ECT2: variants seen among roughly 807,000 people sequenced by gnomAD.
ECT2 encodes the protein epithelial cell transforming 2.
Under a neutral mutation model 116.9 loss-of-function variants are expected in ECT2, and 61 were observed. The ratio of observed to expected loss-of-function variants is 0.52; its 90% CI spans 0.42 to 0.65. ECT2 has a LOEUF of 0.65. Ranked by LOEUF, ECT2 falls within the 30% of genes least tolerant of loss-of-function variation. ECT2 has a pLI of 0.00. For synonymous variants in ECT2, 358 were observed against 346.4 expected (o/e 1.03, Z -0.37); for missense variants, 937 against 1,078.7 (o/e 0.87, Z 1.84).
chr3:172,783,274 A>G (rs558847107), intron 15 of ECT2, among the ~76,000 whole-genome samples: 11 of 152,138 alleles, frequency 7.2e-5, no homozygotes, highest in Non-Finnish European at 1.5e-4. Flanking sequence ...TCCTTACAAA[A>G]TAATCTCTTA....
chr3:172,792,124 A>G (rs1327082171), intron 18 of ECT2, among the ~76,000 whole-genome samples: 1 of 152,234 alleles, frequency 6.6e-6, no homozygotes, highest in Non-Finnish European at 1.5e-5. Context: ...GGGCATTGTT[A>G]GTGGTGTCCC....
At chr3:172,754,782 A>G (rs1370099783) in intron 2 of ECT2, 122 bp downstream of exon 2, 1 of 719,954 alleles carries the variant, frequency 1.4e-6, no homozygotes, top group East Asian at 2.9e-5. Flanking sequence ...TTAAGTAAAT[A>G]TTTGTTTACA....
intron 22 of ECT2, among the ~76,000 whole-genome samples, chr3:172,813,093 A>G (rs12637201): frequency 0.095 from 14,449 of 152,090 alleles, 1,274 homozygotes; most frequent in African/African-American, 0.23. Flanking sequence ...TAGATAGTTC[A>G]CAAGAACCAA....
intron 7 of ECT2, among the ~76,000 whole-genome samples, chr3:172,761,381 A>G (rs531070718): frequency 4.9e-4 from 74 of 152,302 alleles, no homozygotes; most frequent in African/African-American, 1.7e-3. Flanking sequence ...CTTCAGAGAT[A>G]TATTTATTTA....
Position 172,762,985 on chromosome 3 carries a change from C to A in ECT2, c.1068+13C>A. ...TTTATATGAAAAGGTATGCTTTTAACCCCTTACTTATTTGTTCTGTGAGCT... is the reference window on the plus strand; with the variant it reads ...TTTATATGAAAAGGTATGCTTTTAAACCCTTACTTATTTGTTCTGTGAGCT... On this transcript the variant is annotated intron_variant, in intron 11 of 24. Transcript: ENST00000392692. The A allele has an allele frequency of 6.2e-7, 1 of 1,612,626 alleles. No homozygotes were observed. Among genetic ancestry groups the A allele is most frequent in the Non-Finnish European group, 8.5e-7 (1 of 1,179,206 alleles).
At chr3:172,778,831 G>A (rs1036554932) in intron 14 of ECT2, among the ~76,000 whole-genome samples, 6 of 152,058 alleles carry the variant, frequency 3.9e-5, no homozygotes, top group Non-Finnish European at 8.8e-5. Context: ...TCCTGACCTT[G>A]TGATCTGCCC....
chr3:172,760,226 A>G lies in ECT2; in HGVS notation c.647A>G (p.His216Arg). Residue 216 changes from histidine (H) to arginine (R), a missense_variant, in exon 7 of 25, where the codon CAT (histidine) becomes CGT (arginine). Coordinates refer to ENST00000392692, the MANE Select transcript of ECT2 (RefSeq NM_001258315.2). ...AAAGACTTTAATTCAAAAGTTACAC[A>G]TTTGGTGGCAAATTGTACACAAGGA... ...IRKDFNSKVT[H>R]LVANCTQGEK... 6.2e-7 allele frequency: 1 copy of G among 1,612,192 alleles called. No individual in the cohort carries two copies. Among genetic ancestry groups the G allele is most frequent in the Non-Finnish European group, 8.5e-7 (1 of 1,178,954 alleles).
chr3:172,798,566 G>C (rs1234871105), intron 18 of ECT2, among the ~76,000 whole-genome samples: 1 of 152,120 alleles, frequency 6.6e-6, no homozygotes, highest in Non-Finnish European at 1.5e-5. Context: ...AACTGATGAA[G>C]ATAATGTTTT....
intron 2 of ECT2, 142 bp from the exon 3 acceptor site, chr3:172,755,153 A>C: frequency 1.8e-6 from 1 of 560,732 alleles, no homozygotes. Context: ...ATAAGTTGGG[A>C]GTTGAGTCCT....
At chr3:172,756,849 A>G in intron 4 of ECT2, 134 bp from the exon 5 acceptor site, 1 of 751,896 alleles carries the variant, frequency 1.3e-6, no homozygotes, top group Non-Finnish European at 2.1e-6. Flanking sequence ...TTATTGTGTG[A>G]TAGAAACTTA....
At position 172,764,339 on chromosome 3, in the gene ECT2, A is replaced by G; in HGVS notation, c.1130A>G (p.Asn377Ser). 6.2e-7 allele frequency: 1 copy of G among 1,614,154 alleles called. No homozygotes were observed. The highest frequency in any genetic ancestry group is 8.5e-7 in the Non-Finnish European group (1 of 1,180,004). Reference sequence around the variant, plus strand: ...CTTTCTCTAAATACCCCTAACAGCAATCGCAAACGACGTCGTTTAAAAGAA... The same window carrying G: ...CTTTCTCTAAATACCCCTAACAGCAGTCGCAAACGACGTCGTTTAAAAGAA... ...SMLSLNTPNS[N>S]RKRRRLKETL... Residue 377 changes from asparagine to serine, a missense_variant, in exon 12 of 25, where the codon AAT becomes AGT. Asn to Ser is a conservative substitution (Grantham distance 46, BLOSUM62 1). Transcript: ENST00000392692.
At chr3:172,798,559 T>C (rs1291109257) in intron 18 of ECT2, among the ~76,000 whole-genome samples, 1 of 152,174 alleles carries the variant, frequency 6.6e-6, no homozygotes, top group Non-Finnish European at 1.5e-5. Context: ...ATTGAATAAC[T>C]GATGAAGATA....
intron 22 of ECT2, among the ~76,000 whole-genome samples, chr3:172,810,303 A>C (rs1377595191): frequency 6.6e-6 from 1 of 152,160 alleles, no homozygotes; most frequent in African/African-American, 2.4e-5. Context: ...AAAACTTTTC[A>C]AAACTTATCC....
chr3:172,758,474 C>CACACACAT (rs1717522390), intron 5 of ECT2, among the ~76,000 whole-genome samples: 1 of 148,412 alleles, frequency 6.7e-6, no homozygotes, highest in African/African-American at 2.6e-5. Context: ...TTTATACACA[C>CACACACAT]ACACACACAC....
intron 14 of ECT2, among the ~76,000 whole-genome samples, chr3:172,778,402 T>TA (rs1424616992): frequency 1.3e-5 from 2 of 152,126 alleles, no homozygotes; most frequent in African/African-American, 4.8e-5. Context: ...TGAATAAAGC[T>TA]ACTGGGGACT....
At chr3:172,828,447 T>C in the ECT2 span, among the ~76,000 whole-genome samples, 1 of 151,974 alleles carries the variant, frequency 6.6e-6, no homozygotes, top group Non-Finnish European at 1.5e-5. Flanking sequence ...GTTACAGAAG[T>C]GAAAGAATCT....
chr3:172,813,926 A>C (rs919996125), intron 22 of ECT2, among the ~76,000 whole-genome samples: 1 of 152,140 alleles, frequency 6.6e-6, no homozygotes, highest in Non-Finnish European at 1.5e-5. Flanking sequence ...TACGTGTAGA[A>C]ATATATCTCT....
At position 172,782,697 on chromosome 3, in the gene ECT2, A is replaced by C. The variant is rs544076960; in HGVS notation, c.1617+466A>C. 2.1e-4 allele frequency among the ~76,000 whole-genome samples: 32 copies of C among 152,054 alleles called. No homozygotes were observed. The South Asian group carries it at 6.4e-3, about 31-fold the overall frequency. Reference sequence around the variant, plus strand: ...GTTCCTCTCCTTCCTCCTACCCTCCACCTTCCAGTAGGCCCCAGGTATGTG... The same window carrying C: ...GTTCCTCTCCTTCCTCCTACCCTCCCCCTTCCAGTAGGCCCCAGGTATGTG... On this transcript the variant is annotated intron_variant, in intron 15 of 24. Transcript: ENST00000392692.
rs1730603757 is a variant in ECT2 at position 172,820,929 on chromosome 3, G to A, written c.*692G>A. On this transcript the variant is annotated 3_prime_UTR_variant, in exon 25 of 25. Transcript: ENST00000392692. The stretch of plus-strand genomic sequence containing the variant: ...TATATTTTGCAAAAACAAGATGTTT[G>A]TAGCTGTTTCAGAGAGAGTACGGTA... 6.6e-6 allele frequency: 1 copy of A among 151,902 alleles called. No homozygotes were observed. Among genetic ancestry groups the A allele is most frequent in the Non-Finnish European group, 1.5e-5 (1 of 67,812 alleles). The allele number at this position is 151,902 out of a possible 1,614,324, so 9.4% of individuals were successfully genotyped here.
Sources: allele counts gnomAD v4.1 joint callset (sites outside exome capture counted in the v4.1 genomes callset), GRCh38; gene constraint gnomAD v4.1.1; transcripts MANE v1.5; gene names NCBI Gene and HGNC (gene_info 2026-07-23, HGNC 2026-07-21).